CNTLN: variants seen among roughly 807,000 people sequenced by gnomAD.
CNTLN encodes centlein, centrosomal protein.
A neutral mutation model predicts 180.0 loss-of-function variants in CNTLN; 212 were observed. That is an observed-to-expected ratio of 1.18 (90% CI 1.05 to 1.32). The LOEUF (loss-of-function observed/expected upper bound fraction) is 1.32. Among genes scored for constraint, CNTLN ranks in the 40% most tolerant of loss-of-function variants. The pLI is 0.00. For synonymous variants in CNTLN, 722 were observed against 563.1 expected (o/e 1.28, Z -3.99); for missense variants, 2,095 against 1,610.9 (o/e 1.30, Z -5.14).
At chr9:17,218,604 A>G (rs970638576) in intron 2 of CNTLN, among the ~76,000 whole-genome samples, 5 of 152,124 alleles carry the variant, frequency 3.3e-5, no homozygotes, top group African/African-American at 9.7e-5. Flanking sequence ...GAAATTGGGA[A>G]TTGTTTAAAT....
chr9:17,365,096 G>T (rs1195292562), intron 12 of CNTLN, among the ~76,000 whole-genome samples: 1 of 152,170 alleles, frequency 6.6e-6, no homozygotes, highest in Non-Finnish European at 1.5e-5. Context: ...GTTTGGATTT[G>T]TGTCCCTGCC....
intron 18 of CNTLN, among the ~76,000 whole-genome samples, chr9:17,427,786 T>G (rs1214437049): frequency 6.6e-6 from 1 of 152,190 alleles, no homozygotes; most frequent in Non-Finnish European, 1.5e-5. Flanking sequence ...GATTATCACA[T>G]CTGTACCATA....
intron 2 of CNTLN, among the ~76,000 whole-genome samples, chr9:17,219,437 G>T (rs920530978): frequency 3.9e-5 from 6 of 151,924 alleles, no homozygotes; most frequent in African/African-American, 1.5e-4. Context: ...TTATGAAAAT[G>T]TTAGACATCT....
At chr9:17,147,251 C>T (rs1434048948) in intron 2 of CNTLN, among the ~76,000 whole-genome samples, 1 of 152,154 alleles carries the variant, frequency 6.6e-6, no homozygotes, top group South Asian at 2.1e-4. Flanking sequence ...TTTTCTAATT[C>T]TGTTGCTTGC....
At chr9:17,332,527 A>G (rs1223526283) in intron 9 of CNTLN, 78 bp from the exon 10 acceptor site, 3 of 1,368,050 alleles carry the variant, frequency 2.2e-6, no homozygotes, top group Non-Finnish European at 2.0e-6. Flanking sequence ...ATTCAAAATT[A>G]CTTGTTCTTT....
intron 2 of CNTLN, chr9:17,168,642 T>C (rs1315630836): frequency 2.0e-5 from 3 of 152,228 alleles, no homozygotes; most frequent in Non-Finnish European, 2.9e-5. Context: ...AGGCTATTTA[T>C]TATTTTGAAA....
intron 2 of CNTLN, among the ~76,000 whole-genome samples, chr9:17,177,572 A>G (rs1327964179): frequency 6.6e-6 from 1 of 152,090 alleles, no homozygotes; most frequent in African/African-American, 2.4e-5. Flanking sequence ...ATGGTCGGAT[A>G]TGTTCGGAGT....
chr9:17,351,828 A>C (rs1193816672), intron 12 of CNTLN, among the ~76,000 whole-genome samples: 6 of 152,146 alleles, frequency 3.9e-5, no homozygotes, highest in African/African-American at 7.2e-5. Context: ...GTATCTTTCC[A>C]TTGCTCTTTA....
chr9:17,371,261 A>G (rs1824293958), intron 13 of CNTLN, among the ~76,000 whole-genome samples: 1 of 152,196 alleles, frequency 6.6e-6, no homozygotes, highest in Admixed American at 6.5e-5. Context: ...ATATAGACTG[A>G]AAATAAACAA....
At chr9:17,276,152 A>G (rs540005003) in intron 6 of CNTLN, among the ~76,000 whole-genome samples, 18 of 152,262 alleles carry the variant, frequency 1.2e-4, no homozygotes, top group African/African-American at 4.3e-4. Context: ...AATTTTGAAA[A>G]TAAGGACTCA....
At position 17,383,629 on chromosome 9, in the gene CNTLN, A is replaced by G. The variant is rs1316037215; in HGVS notation, c.1988-4533A>G. Among the ~76,000 whole-genome samples the G allele has an allele frequency of 2.0e-5, 3 of 152,058 alleles. No individual in the cohort carries two copies. In the South Asian group the frequency reaches 6.2e-4, roughly 32 times the overall value. ...GAAACAAAAGTTAATTGCAAGAAGT[A>G]ATTCGTAACATGAATTTTTTTTTTT... On this transcript the variant is annotated intron_variant, in intron 13 of 25. Transcript: ENST00000380647.
intron 2 of CNTLN, among the ~76,000 whole-genome samples, chr9:17,193,087 GCC>G: frequency 6.6e-6 from 1 of 152,248 alleles, no homozygotes; most frequent in East Asian, 1.9e-4. Flanking sequence ...GGGGGAAACT[GCC>G]CCCATGATTC....
intron 23 of CNTLN, among the ~76,000 whole-genome samples, chr9:17,477,860 G>T (rs1832436197): frequency 6.6e-6 from 1 of 152,170 alleles, no homozygotes; most frequent in Non-Finnish European, 1.5e-5. Flanking sequence ...TGAGAGGATT[G>T]ACTCCAGTTT....
intron 2 of CNTLN, among the ~76,000 whole-genome samples, chr9:17,211,945 G>T (rs1264831910): frequency 6.6e-6 from 1 of 152,152 alleles, no homozygotes; most frequent in Non-Finnish European, 1.5e-5. Context: ...TCAGCTTAAG[G>T]AGATTGGGGC....
At position 17,236,442 on chromosome 9, in the gene CNTLN, C is replaced by G. The variant is rs748382700; in HGVS notation, c.703C>G (p.Gln235Glu). Residue 235 changes from glutamine (Q) to glutamate (E), a missense_variant, in exon 5 of 26, where the codon CAA becomes GAA. Gln to Glu is a conservative substitution (Grantham distance 29, BLOSUM62 2). Coordinates refer to ENST00000380647, the MANE Select transcript of CNTLN (RefSeq NM_017738.4). Reference sequence around the variant, plus strand: ...GGAGTGTGTACAGAACAAAGAAGAGCAAAACAGACTAGTTATAAAAAATCT... The same window carrying G: ...GGAGTGTGTACAGAACAAAGAAGAGGAAAACAGACTAGTTATAAAAAATCT... ...TKECVQNKEEQNRLVIKNLEE... is the reference protein window; with the variant it reads ...TKECVQNKEEENRLVIKNLEE... The G allele has an allele frequency of 6.2e-7, 1 of 1,612,888 alleles. No homozygotes were observed. The highest frequency in any genetic ancestry group is 8.5e-7 in the Non-Finnish European group (1 of 1,179,462).
At chr9:17,153,403 A>G (rs1819033929) in intron 2 of CNTLN, among the ~76,000 whole-genome samples, 1 of 152,090 alleles carries the variant, frequency 6.6e-6, no homozygotes, top group African/African-American at 2.4e-5. Flanking sequence ...TTTATTTCTC[A>G]TTCGCTTATG....
chr9:17,393,490 T>G (rs1826263707), intron 14 of CNTLN, among the ~76,000 whole-genome samples: 1 of 152,190 alleles, frequency 6.6e-6, no homozygotes, highest in Non-Finnish European at 1.5e-5. Context: ...CTTTCTCATA[T>G]GCCTTGTTGA....
the CNTLN span, among the ~76,000 whole-genome samples, chr9:17,509,298 T>C: frequency 1.3e-5 from 2 of 152,234 alleles, no homozygotes; most frequent in African/African-American, 2.4e-5. Context: ...GTTGATTACA[T>C]TGGACCACTG....
At chr9:17,373,109 A>G (rs1824463659) in intron 13 of CNTLN, among the ~76,000 whole-genome samples, 1 of 152,188 alleles carries the variant, frequency 6.6e-6, no homozygotes, top group East Asian at 1.9e-4. Flanking sequence ...GTTATTCAAC[A>G]TAGTACTGGA....
Sources: gnomAD v4.1 joint callset for allele counts (sites outside exome capture counted in the v4.1 genomes callset) on GRCh38, gnomAD v4.1.1 for gene constraint, MANE v1.5 for transcripts, NCBI Gene and HGNC (gene_info 2026-07-23, HGNC 2026-07-21) for gene names.